NCOA2: variants seen among roughly 807,000 people sequenced by gnomAD.
NCOA2 encodes nuclear receptor coactivator 2.
NCOA2 carries 21 observed loss-of-function variants against 145.1 expected under a neutral mutation model. The observed-to-expected ratio is 0.14, with a 90% CI of 0.10 to 0.21. The LOEUF (loss-of-function observed/expected upper bound fraction) is 0.21, where lower values mean the gene tolerates loss of function less well. Among genes scored for constraint, NCOA2 ranks in the 10% least tolerant of loss-of-function variants. The probability of loss-of-function intolerance (pLI) is 1.00; values close to 1 mark genes in which losing one functional copy is unlikely to be tolerated. For synonymous variants in NCOA2, 619 were observed against 637.5 expected (o/e 0.97, Z 0.44); for missense variants, 1,472 against 1,837.6 (o/e 0.80, Z 3.64).
At chr8:70,129,282 AATCAT>A (rs1808810098) in intron 16 of NCOA2, among the ~76,000 whole-genome samples, 1 of 152,122 alleles carries the variant, frequency 6.6e-6, no homozygotes, top group African/African-American at 2.4e-5. Flanking sequence ...CCACTCCACC[AATCAT>A]ATTGGCCTGG....
chr8:70,147,117 C>T (rs751015643), intron 12 of NCOA2, among the ~76,000 whole-genome samples: 26 of 145,308 alleles, frequency 1.8e-4, no homozygotes, highest in African/African-American at 5.9e-4. Context: ...CTTTCGCGCG[C>T]GCGCGCGCGC....
intron 14 of NCOA2, 141 bp downstream of exon 14, chr8:70,141,043 C>G (rs1055671118): frequency 1.3e-6 from 1 of 787,958 alleles, no homozygotes; most frequent in African/African-American, 1.7e-5. Context: ...ATACAGAGTT[C>G]CAGCAAAATC....
chr8:70,307,685 A>T (rs1201558077), intron 1 of NCOA2, among the ~76,000 whole-genome samples: 1 of 152,240 alleles, frequency 6.6e-6, no homozygotes, highest in East Asian at 1.9e-4. Flanking sequence ...TGAATTCAGT[A>T]AAGAAAATTC....
chr8:70,299,796 C>A (rs1490064954), intron 1 of NCOA2, among the ~76,000 whole-genome samples: 2 of 152,172 alleles, frequency 1.3e-5, no homozygotes, highest in East Asian at 3.8e-4. Context: ...GTTTTCATTT[C>A]TCTTGGGGAA....
chr8:70,454,631 A>G, the NCOA2 span, among the ~76,000 whole-genome samples: 2 of 152,134 alleles, frequency 1.3e-5, no homozygotes, highest in Non-Finnish European at 2.9e-5. Context: ...ACCAATCCCA[A>G]ACAAAACCAA....
At position 70,393,163 on chromosome 8, in the gene NCOA2, C is replaced by T. The variant is rs546641716; in HGVS notation, c.-77+10537G>A. ...TTCCCTTGCCTTAGGACTACCTACT[C>T]TTTATCTGATCTTGGGTGCAGATCC... On this transcript the variant is annotated intron_variant, in intron 1 of 22. Coordinates refer to ENST00000452400, the MANE Select transcript of NCOA2 (RefSeq NM_006540.4). 8.5e-5 allele frequency among the ~76,000 whole-genome samples: 13 copies of T among 152,266 alleles called. No homozygotes were observed. The East Asian group carries it at 2.3e-3, about 27-fold the overall frequency.
intron 12 of NCOA2, among the ~76,000 whole-genome samples, chr8:70,147,839 C>T (rs970391908): frequency 1.3e-5 from 2 of 151,848 alleles, no homozygotes; most frequent in African/African-American, 2.4e-5. Context: ...TTTGTTACTA[C>T]CAGCTGAGCA....
At chr8:70,113,721 A>G (rs1282861421) in intron 22 of NCOA2, 78 bp from the exon 23 acceptor site, 1 of 1,361,886 alleles carries the variant, frequency 7.3e-7, no homozygotes, top group Non-Finnish European at 1.0e-6. Context: ...CCACAAAAAC[A>G]TCAAAATTCC....
the NCOA2 span, among the ~76,000 whole-genome samples, chr8:70,453,403 G>A: frequency 6.6e-6 from 1 of 152,162 alleles, no homozygotes; most frequent in East Asian, 1.9e-4. Flanking sequence ...CACATGGAGT[G>A]GAGATGAAAC....
At chr8:70,187,428 C>T (rs955843056) in intron 4 of NCOA2, among the ~76,000 whole-genome samples, 1 of 152,124 alleles carries the variant, frequency 6.6e-6, no homozygotes, top group Non-Finnish European at 1.5e-5. Flanking sequence ...CGGTTACGTG[C>T]TCTCAAATAC....
At chr8:70,414,936 TA>T in the NCOA2 span, among the ~76,000 whole-genome samples, 7,150 of 148,112 alleles carry the variant, frequency 0.048, 225 homozygotes, top group African/African-American at 0.077. Flanking sequence ...CACAAAATGA[TA>T]AAAAAAAAAG....
chr8:70,221,036 T>C (rs1820089166), intron 2 of NCOA2, among the ~76,000 whole-genome samples: 1 of 152,192 alleles, frequency 6.6e-6, no homozygotes, highest in Non-Finnish European at 1.5e-5. Context: ...ACCACTTCTC[T>C]TATGAATGTC....
chr8:70,347,185 T>C (rs1808740321), intron 1 of NCOA2, among the ~76,000 whole-genome samples: 2 of 152,022 alleles, frequency 1.3e-5, no homozygotes, highest in African/African-American at 4.8e-5. Flanking sequence ...CTGTCTTCAC[T>C]AAAAATACAA....
At chr8:70,270,133 G>C (rs1824930182) in intron 2 of NCOA2, among the ~76,000 whole-genome samples, 1 of 151,598 alleles carries the variant, frequency 6.6e-6, no homozygotes, top group South Asian at 2.1e-4. Context: ...AGTGAGCAGT[G>C]ATCTCACCAC....
rs1269979006 is a variant in NCOA2, at chr8:70,144,732, T to C, written c.2722A>G (p.Ser908Gly). 2 of 1,614,018 alleles carry C rather than the reference T, an allele frequency of 1.2e-6. No homozygotes were observed. Among genetic ancestry groups the C allele is most frequent in the Non-Finnish European group, 1.7e-6 (2 of 1,179,872 alleles). ...GAGPFPPIRN[S>G]SPYSVIPQPG... Reference sequence around the variant, plus strand: ...TGAGGTATCACTGAGTAGGGACTACTGTTTCTGATTGGTGGGAAAGGTCCA... The same window carrying C: ...TGAGGTATCACTGAGTAGGGACTACCGTTTCTGATTGGTGGGAAAGGTCCA... The change falls in exon 13 of 23, where the codon AGT becomes GGT. Residue 908 changes from serine to glycine, a missense_variant. Ser to Gly is a moderately conservative substitution (Grantham distance 56, BLOSUM62 0). Around this residue, in one of 4 missense-constraint regions of NCOA2, gnomAD observed 953 missense variants for 1,062.1 expected, o/e 0.90. Coordinates refer to ENST00000452400, the MANE Select transcript of NCOA2 (RefSeq NM_006540.4).
Position 70,125,610 on chromosome 8 carries a change from C to T in NCOA2, c.3917-745G>A, listed in dbSNP as rs78015111. Reference sequence around the variant, plus strand: ...TAAAGTTCAGCTATATATCAAAAGTCAACACATTTGAATAAATTTATATTA... The same window carrying T: ...TAAAGTTCAGCTATATATCAAAAGTTAACACATTTGAATAAATTTATATTA... On this transcript the variant is annotated intron_variant, in intron 19 of 22. Coordinates refer to ENST00000452400, the MANE Select transcript of NCOA2 (RefSeq NM_006540.4). Among the ~76,000 whole-genome samples the T allele has an allele frequency of 6.2e-3, 944 of 152,216 alleles. 10 individuals are homozygous for T. The highest frequency in any genetic ancestry group is 0.02 in the Middle Eastern group (6 of 294).
At chr8:70,209,873 G>A (rs992593931) in intron 4 of NCOA2, among the ~76,000 whole-genome samples, 1 of 152,164 alleles carries the variant, frequency 6.6e-6, no homozygotes, top group Admixed American at 6.5e-5. Flanking sequence ...AACTGAACCT[G>A]CAGTATCTCT....
chr8:70,182,729 C>T (rs1431298775), intron 4 of NCOA2, among the ~76,000 whole-genome samples: 1 of 152,094 alleles, frequency 6.6e-6, no homozygotes, highest in East Asian at 1.9e-4. Context: ...TCATGATAAG[C>T]CATGTCAGTG....
intron 5 of NCOA2, among the ~76,000 whole-genome samples, chr8:70,173,128 A>G (rs529640682): frequency 6.6e-6 from 1 of 152,336 alleles, no homozygotes; most frequent in East Asian, 1.9e-4. Context: ...AATGCACTAA[A>G]TTCTCAGAAG....
Sources: gnomAD v4.1 joint callset for allele counts (sites outside exome capture counted in the v4.1 genomes callset) on GRCh38, gnomAD v4.1.1 for gene constraint, gnomAD v4.1.1 regional missense constraint, MANE v1.5 for transcripts, NCBI Gene and HGNC (gene_info 2026-07-23, HGNC 2026-07-21) for gene names.